CCR3: variants seen among roughly 807,000 people sequenced by gnomAD.
The protein encoded by CCR3 is C-C motif chemokine receptor 3.
For missense variants in CCR3, 419 were observed against 437.5 expected, an observed-to-expected ratio of 0.96 and a Z score of 0.38; for synonymous variants, 203 against 179.2, an observed-to-expected ratio of 1.13 and a Z score of -1.06.
intron 2 of CCR3, among the ~76,000 whole-genome samples, chr3:46,226,045 C>G (rs905804412): frequency 6.6e-6 from 1 of 152,198 alleles, no homozygotes; most frequent in African/African-American, 2.4e-5. Context: ...GTATGTCTAT[C>G]TCTCTGCCAA....
chr3:46,257,822 G>A (rs545827994), intron 1 of CCR3, among the ~76,000 whole-genome samples: 2 of 152,356 alleles, frequency 1.3e-5, no homozygotes, highest in African/African-American at 2.4e-5. Flanking sequence ...TACAGGTAGT[G>A]TGGCTCAGTG....
intron 1 of CCR3, among the ~76,000 whole-genome samples, chr3:46,256,803 T>C (rs996816881): frequency 6.6e-6 from 1 of 152,182 alleles, no homozygotes; most frequent in African/African-American, 2.4e-5. Context: ...CCTAATTCTT[T>C]GGATGAGATC....
At chr3:46,225,560 G>C (rs1015410138) in intron 2 of CCR3, among the ~76,000 whole-genome samples, 1 of 152,124 alleles carries the variant, frequency 6.6e-6, no homozygotes, top group South Asian at 2.1e-4. Flanking sequence ...CATTTTCTCT[G>C]CATCCTTGCC....
At chr3:46,246,184 C>T (rs1037694232) in intron 1 of CCR3, among the ~76,000 whole-genome samples, 4 of 152,206 alleles carry the variant, frequency 2.6e-5, no homozygotes, top group African/African-American at 9.7e-5. Context: ...TCCTTTCATA[C>T]ACTTAAGAAG....
intron 1 of CCR3, chr3:46,264,622 A>G (rs1367659737): frequency 7.0e-6 from 4 of 568,136 alleles, no homozygotes; most frequent in Non-Finnish European, 1.2e-5. Context: ...CAATTTCCCC[A>G]TTAACTATAA....
rs372457663 is a variant in CCR3, at chr3:46,220,667, C to T, written c.-68+9760C>T. On this transcript the variant is annotated intron_variant, in intron 2 of 3. Coordinates refer to the CCR3 transcript ENST00000357422. ...TATACATATACCATGGAATTCTACT[C>T]AGCCACAAAAAGGAACAAAATAATG... Among the ~76,000 whole-genome samples, 24 of 152,326 alleles carry T rather than the reference C, an allele frequency of 1.6e-4. No homozygotes were observed. The East Asian group carries it at 4.4e-3, about 28-fold the overall frequency.
upstream of CCR3, among the ~76,000 whole-genome samples, chr3:46,240,076 A>T (rs920357838): frequency 2.0e-5 from 3 of 152,106 alleles, no homozygotes; most frequent in Non-Finnish European, 4.4e-5. Context: ...CTGTCTTCAG[A>T]TGTCATTGAC....
chr3:46,218,883 G>A (rs963288812), intron 2 of CCR3, among the ~76,000 whole-genome samples: 1 of 152,032 alleles, frequency 6.6e-6, no homozygotes, highest in Non-Finnish European at 1.5e-5. Flanking sequence ...TACTGAAAAG[G>A]GGAAAGTTGA....
At chr3:46,238,442 T>G (rs74433128), upstream of CCR3, among the ~76,000 whole-genome samples, 14,555 of 150,038 alleles carry the variant, frequency 0.097, 953 homozygotes, top group Non-Finnish European at 0.14. Flanking sequence ...GTGCAGTGCA[T>G]TTACTAGGGA....
At chr3:46,241,124 C>G (rs1013176665), upstream of CCR3, among the ~76,000 whole-genome samples, 3 of 151,324 alleles carry the variant, frequency 2.0e-5, no homozygotes, top group African/African-American at 7.3e-5. Flanking sequence ...CTCAAATTCT[C>G]TCCCTATTCT....
upstream of CCR3, among the ~76,000 whole-genome samples, chr3:46,241,946 A>G (rs1700090886): frequency 6.6e-6 from 1 of 152,134 alleles, no homozygotes; most frequent in Non-Finnish European, 1.5e-5. Context: ...CAGCCTGGCC[A>G]ACATGGTGAA....
At chr3:46,260,897 T>C (rs1575510892) in intron 1 of CCR3, among the ~76,000 whole-genome samples, 1 of 152,230 alleles carries the variant, frequency 6.6e-6, no homozygotes, top group Admixed American at 6.5e-5. Flanking sequence ...AATTCTAGTT[T>C]TGCATCAGTG....
intron 1 of CCR3, among the ~76,000 whole-genome samples, chr3:46,243,000 TATACGCAC>T (rs1700119227): frequency 9.4e-6 from 1 of 106,760 alleles, no homozygotes; most frequent in Non-Finnish European, 1.8e-5. Context: ...TATATATATA[TATACGCAC>T]ACACACATAC....
chr3:46,231,948 ACTT>A (rs2125925254), intron 2 of CCR3, among the ~76,000 whole-genome samples: 1 of 152,332 alleles, frequency 6.6e-6, no homozygotes, highest in Non-Finnish European at 1.5e-5. Flanking sequence ...GGAAATAAGA[ACTT>A]CACATATTTT....
chr3:46,241,808 G>A (rs555434747), upstream of CCR3, among the ~76,000 whole-genome samples: 8 of 151,994 alleles, frequency 5.3e-5, no homozygotes, highest in East Asian at 1.9e-4. Flanking sequence ...TTCCTTTGCC[G>A]GGAAATTCTT....
intron 1 of CCR3, among the ~76,000 whole-genome samples, chr3:46,243,348 C>A (rs1700130568): frequency 6.6e-6 from 1 of 151,994 alleles, no homozygotes; most frequent in Non-Finnish European, 1.5e-5. Context: ...ATGTGGAACC[C>A]ATGGATACAG....
chr3:46,216,328 A>G (rs1422078889), intron 2 of CCR3, among the ~76,000 whole-genome samples: 2 of 152,266 alleles, frequency 1.3e-5, no homozygotes, highest in Middle Eastern at 3.4e-3. Context: ...CACTGCACAC[A>G]TTGGGTGAGC....
At chr3:46,250,182 C>T (rs553178182) in intron 1 of CCR3, among the ~76,000 whole-genome samples, 2 of 152,144 alleles carry the variant, frequency 1.3e-5, no homozygotes, top group East Asian at 3.9e-4. Flanking sequence ...TGGCTCCAGG[C>T]ACCTTTTTAA....
At chr3:46,251,272 C>T (rs1195579167) in intron 1 of CCR3, among the ~76,000 whole-genome samples, 1 of 152,098 alleles carries the variant, frequency 6.6e-6, no homozygotes, top group African/African-American at 2.4e-5. Context: ...GCTGCCTTCC[C>T]AGTCTGTGAC....
Sources: gnomAD v4.1 joint callset for allele counts (sites outside exome capture counted in the v4.1 genomes callset) on GRCh38, gnomAD v4.1.1 for gene constraint, MANE v1.5 for transcripts, NCBI Gene and HGNC (gene_info 2026-07-23, HGNC 2026-07-21) for gene names.